LEF1: variants seen among roughly 807,000 people sequenced by gnomAD.
LEF1 encodes lymphoid enhancer-binding factor 1.
Under a neutral mutation model 51.2 loss-of-function variants are expected in LEF1, and 14 were observed. The observed-to-expected ratio is 0.27, with a 90% CI of 0.18 to 0.43. LEF1 has a LOEUF of 0.43. LEF1 is among the 20% of genes least tolerant of loss of function. LEF1 has a pLI of 1.00. For synonymous variants in LEF1, 185 were observed against 183.2 expected, an observed-to-expected ratio of 1.01 and a Z score of -0.08; for missense variants, 386 against 512.0, an observed-to-expected ratio of 0.75 and a Z score of 2.37.
At chr4:108,123,398 T>C (rs995411676) in intron 3 of LEF1, among the ~76,000 whole-genome samples, 3 of 151,342 alleles carry the variant, frequency 2.0e-5, no homozygotes, top group Non-Finnish European at 2.9e-5. Flanking sequence ...TCTAAAGATA[T>C]AGCCTTTGGG....
At chr4:108,070,298 T>TA (rs1008697705) in intron 9 of LEF1, 38 of 157,652 alleles carry the variant, frequency 2.4e-4, no homozygotes, top group Middle Eastern at 3.1e-3. Flanking sequence ...AATATACAAG[T>TA]AAAAAAAAAC....
intron 3 of LEF1, among the ~76,000 whole-genome samples, chr4:108,102,162 T>C (rs568978390): frequency 2.6e-5 from 4 of 152,080 alleles, no homozygotes; most frequent in Admixed American, 1.3e-4. Context: ...TAGGCACTGG[T>C]TTAATGGCAA....
At chr4:108,157,159 TC>T (rs1744754584) in intron 3 of LEF1, among the ~76,000 whole-genome samples, 2 of 67,946 alleles carry the variant, frequency 2.9e-5, no homozygotes, top group Admixed American at 4.9e-4. Context: ...TCTCTCTCTC[TC>T]TCTCTCTCTA....
chr4:108,096,906 G>T (rs4458527), intron 3 of LEF1, among the ~76,000 whole-genome samples: 2 of 151,942 alleles, frequency 1.3e-5, no homozygotes, highest in Non-Finnish European at 2.9e-5. Flanking sequence ...TCTCACCCCA[G>T]TTAAAATGGT....
At chr4:108,067,532 C>CT (rs777318718) in intron 9 of LEF1, among the ~76,000 whole-genome samples, 496 of 139,200 alleles carry the variant, frequency 3.6e-3, no homozygotes, top group Non-Finnish European at 3.7e-3. Flanking sequence ...TTAGAAGATC[C>CT]TTTTTTTTTT....
At chr4:108,064,655 T>TCACACA (rs59828005) in intron 9 of LEF1, among the ~76,000 whole-genome samples, 56 of 127,926 alleles carry the variant, frequency 4.4e-4, no homozygotes, top group African/African-American at 1.5e-3. Context: ...TCTCTCTCAC[T>TCACACA]CACACACACA....
chr4:108,060,232 G>A lies in LEF1; in HGVS notation c.*6+3391C>T, dbSNP rs1388810646. Among the ~76,000 whole-genome samples the A allele has an allele frequency of 2.0e-5, 3 of 152,126 alleles. 1 individual carries two copies. The highest frequency in any genetic ancestry group is 4.1e-4 in the South Asian group (2 of 4,822). Reference sequence around the variant, plus strand: ...TCATGTATAAGCCATTTTCAAGGTCGTGCAGAAGCTTTATAGTTATACAGA... The same window carrying A: ...TCATGTATAAGCCATTTTCAAGGTCATGCAGAAGCTTTATAGTTATACAGA... On this transcript the variant is annotated intron_variant, in intron 11 of 11. Coordinates refer to ENST00000265165, the MANE Select transcript of LEF1 (RefSeq NM_016269.5).
At chr4:108,157,179 TACACACACACAC>T (rs59867246) in intron 3 of LEF1, among the ~76,000 whole-genome samples, 28 of 116,788 alleles carry the variant, frequency 2.4e-4, no homozygotes, top group African/African-American at 5.5e-4. Flanking sequence ...TATATATATA[TACACACACACAC>T]ACACACACAC....
At chr4:108,053,606 C>T (rs372797378) in intron 11 of LEF1, among the ~76,000 whole-genome samples, 3 of 152,160 alleles carry the variant, frequency 2.0e-5, no homozygotes, top group Non-Finnish European at 2.9e-5. Flanking sequence ...AGCCTGTGAC[C>T]GTTAATGAAT....
chr4:108,051,603 G>A (rs932884768), intron 11 of LEF1, among the ~76,000 whole-genome samples: 6 of 152,172 alleles, frequency 3.9e-5, no homozygotes, highest in Non-Finnish European at 8.8e-5. Context: ...CTCCGGCTGC[G>A]GCTGGGCTTC....
chr4:108,086,065 C>T (rs1052225401), intron 4 of LEF1, among the ~76,000 whole-genome samples: 2 of 152,160 alleles, frequency 1.3e-5, no homozygotes, highest in East Asian at 3.8e-4. Flanking sequence ...AACCACTTGG[C>T]ATGTACATGC....
At chr4:108,077,111 G>A (rs1738915122) in intron 8 of LEF1, among the ~76,000 whole-genome samples, 1 of 151,974 alleles carries the variant, frequency 6.6e-6, no homozygotes, top group Non-Finnish European at 1.5e-5. Flanking sequence ...GGCCAAGGTG[G>A]GAGGTTTGCT....
chr4:108,125,342 T>A (rs1578372239), intron 3 of LEF1, among the ~76,000 whole-genome samples: 1 of 152,200 alleles, frequency 6.6e-6, no homozygotes, highest in African/African-American at 2.4e-5. Flanking sequence ...TTTGTATTTT[T>A]AGTAGAGATG....
chr4:108,133,113 A>T (rs1743007778), intron 3 of LEF1, among the ~76,000 whole-genome samples: 1 of 152,004 alleles, frequency 6.6e-6, no homozygotes, highest in Non-Finnish European at 1.5e-5. Flanking sequence ...AGCTGGGATT[A>T]CAGCCACACA....
At chr4:108,129,847 G>A (rs1742757666) in intron 3 of LEF1, among the ~76,000 whole-genome samples, 1 of 152,120 alleles carries the variant, frequency 6.6e-6, no homozygotes, top group African/African-American at 2.4e-5. Flanking sequence ...ACTTAGTAGG[G>A]TATAATCACA....
At chr4:108,131,844 GTATGATGA>G (rs1742919959) in intron 3 of LEF1, among the ~76,000 whole-genome samples, 1 of 152,176 alleles carries the variant, frequency 6.6e-6, no homozygotes. Context: ...GTTGTATAGG[GTATGATGA>G]TATAACAGTG....
intron 3 of LEF1, among the ~76,000 whole-genome samples, chr4:108,090,712 AT>A (rs1178072985): frequency 2.6e-5 from 4 of 152,318 alleles, no homozygotes; most frequent in African/African-American, 9.6e-5. Flanking sequence ...TGTTGTGAAC[AT>A]TAAAATTCTT....
rs949233187 is a variant in LEF1, at chr4:108,168,839, GC to G, written c.-1073del. The G allele has an allele frequency of 6.6e-6, 1 of 152,220 alleles. No homozygotes were observed. Among genetic ancestry groups the G allele is most frequent in the Non-Finnish European group, 1.5e-5 (1 of 68,050 alleles). 9.4% of individuals were successfully genotyped at this position (152,220 alleles called of 1,614,324 possible). A position where few individuals can be genotyped will look rare whatever the true frequency, so the allele number is the denominator to read the frequency against. On this transcript the variant is annotated 5_prime_UTR_variant, in exon 1 of 12. Transcript: ENST00000265165. This position sits in a 1 kb window ranked among gnomAD's most constrained non-coding sequence, Gnocchi z 4.6. ...CTTGGCCGCGTGCGAGGCTCCGGGC[GC>G]GTCCTGGTTCCTCGGCCCGAGAGCG...
chr4:108,145,466 A>G lies in LEF1; in HGVS notation c.414+18102T>C, dbSNP rs140621851. On this transcript the variant is annotated intron_variant, in intron 3 of 11. Transcript: ENST00000265165. ...GTATATAATTCATAAATAATTATAC[A>G]GTGGCCAAAATTTTTAATTGATGAG... Among the ~76,000 whole-genome samples, 5 of 152,354 alleles carry G rather than the reference A, an allele frequency of 3.3e-5. No homozygotes were observed. The East Asian group carries it at 9.6e-4, about 29-fold the overall frequency.
Sources: gnomAD v4.1 joint callset for allele counts (sites outside exome capture counted in the v4.1 genomes callset) on GRCh38, gnomAD v4.1.1 for gene constraint, Gnocchi (gnomAD v3.1) non-coding constraint, MANE v1.5 for transcripts, NCBI Gene and HGNC (gene_info 2026-07-23, HGNC 2026-07-21) for gene names.